ZNF614: variants seen among roughly 807,000 people sequenced by gnomAD.
The protein encoded by ZNF614 is zinc finger protein 614.
Under a neutral mutation model 12.8 loss-of-function variants are expected in ZNF614, and 11 were observed. The ratio of observed to expected loss-of-function variants is 0.86; its 90% confidence interval spans 0.54 to 1.43. The LOEUF is 1.43. ZNF614 is among the 40% of genes most tolerant of loss of function. ZNF614 has a pLI of 0.00. For missense variants in ZNF614, 664 were observed against 708.8 expected (o/e 0.94, Z 0.72); for synonymous variants, 237 against 237.5 (o/e 1.00, Z 0.02).
rs1271607297 is a variant in ZNF614 at position 52,016,279 on chromosome 19, C to A, written c.1319G>T (p.Arg440Leu). The A allele has an allele frequency of 1.2e-6, 2 of 1,613,672 alleles. No homozygotes were observed. The highest frequency in any genetic ancestry group is 1.7e-6 in the Non-Finnish European group (2 of 1,179,924). The change falls in exon 5 of 5, where the codon CGC becomes CTC. Residue 440 changes from arginine (R) to leucine (L), a missense_variant. Arg to Leu is a moderately radical substitution (Grantham distance 102). Coordinates refer to ENST00000270649, the MANE Select transcript of ZNF614 (RefSeq NM_025040.4). ...NECGKGFTTKRTLIIHQRTHT... is the reference protein window; with the variant it reads ...NECGKGFTTKLTLIIHQRTHT... ...AGTTCGCTGATGTATAATAAGAGTGCGCTTTGTGGTGAAGCCTTTACCACA... is the reference window on the plus strand; with the variant it reads ...AGTTCGCTGATGTATAATAAGAGTGAGCTTTGTGGTGAAGCCTTTACCACA...
At chr19:52,018,862 TTTTA>T (rs2086917365) in intron 2 of ZNF614, among the ~76,000 whole-genome samples, 2 of 152,124 alleles carry the variant, frequency 1.3e-5, no homozygotes. Context: ...TTGATTAGAT[TTTTA>T]TTTATTTTTT....
Position 52,014,209 on chromosome 19 carries a change from A to G in ZNF614, c.*1631T>C, listed in dbSNP as rs569449932. On this transcript the variant is annotated 3_prime_UTR_variant, in exon 5 of 5. Transcript: ENST00000270649. ...ATTTTCTGACACAAATAAATTCTCT[A>G]ATTCTCCCACACCAATTGGGTGTTC... The G allele has an allele frequency of 2.0e-5, 3 of 152,310 alleles. No individual in the cohort carries two copies. The South Asian group carries it at 6.2e-4, about 32-fold the overall frequency. The allele number at this position is 152,310 out of a possible 1,614,324, so 9.4% of individuals were successfully genotyped here. A position where few individuals can be genotyped will look rare whatever the true frequency, so the allele number is the denominator to read the frequency against.
chr19:52,021,594 T>G (rs1319574845), intron 2 of ZNF614, among the ~76,000 whole-genome samples: 1 of 151,808 alleles, frequency 6.6e-6, no homozygotes, highest in Non-Finnish European at 1.5e-5. Context: ...GAACAAAAAA[T>G]TAGCTGGGTG....
At chr19:52,023,414 G>A (rs1316001526) in intron 2 of ZNF614, among the ~76,000 whole-genome samples, 5 of 152,132 alleles carry the variant, frequency 3.3e-5, no homozygotes, top group Admixed American at 6.5e-5. Flanking sequence ...TGATCCGCTC[G>A]GGATTACAGG....
chr19:52,017,802 T>C, intron 4 of ZNF614: 1 of 486,452 alleles, frequency 2.1e-6, no homozygotes. Flanking sequence ...TATGAAGATA[T>C]AAGCTGAAAT....
intron 2 of ZNF614, among the ~76,000 whole-genome samples, chr19:52,022,807 G>T (rs1484365484): frequency 1.3e-5 from 2 of 152,114 alleles, no homozygotes; most frequent in Non-Finnish European, 2.9e-5. Context: ...CAGCCAGACT[G>T]AAGAAATGCA....
At position 52,016,546 on chromosome 19, in the gene ZNF614, C is replaced by G. The variant is rs554426380; in HGVS notation, c.1052G>C (p.Gly351Ala). Residue 351 changes from glycine to alanine, a missense_variant, in exon 5 of 5, where the codon GGC becomes GCC. Coordinates refer to ENST00000270649, the MANE Select transcript of ZNF614 (RefSeq NM_025040.4). The part of the protein sequence containing the change: ...KPYICSECGK[G>A]FTMKRYLVVH... ...AACAAGATAGCGCTTCATGGTGAAG[C>G]CTTTTCCACATTCACTGCATATATA... 3 of 1,613,814 alleles carry G rather than the reference C, an allele frequency of 1.9e-6. No individual in the cohort carries two copies. Among genetic ancestry groups the G allele is most frequent in the Non-Finnish European group, 1.7e-6 (2 of 1,179,928 alleles).
At position 52,017,958 on chromosome 19, in the gene ZNF614, T is replaced by C. The variant is rs781111563; in HGVS notation, c.238+50A>G. 2.8e-6 allele frequency: 4 copies of C among 1,431,426 alleles called. No homozygotes were observed. The East Asian group carries it at 9.1e-5, about 33-fold the overall frequency. 88.7% of individuals were successfully genotyped at this position (1,431,426 alleles called of 1,614,324 possible). Reference sequence around the variant, plus strand: ...TCATATATGTGACACCTTTCCTTAATGACTACAATAAGACTCCTATAGCCA... The same window carrying C: ...TCATATATGTGACACCTTTCCTTAACGACTACAATAAGACTCCTATAGCCA... On this transcript the variant is annotated intron_variant, in intron 4 of 4. Coordinates refer to ENST00000270649, the MANE Select transcript of ZNF614 (RefSeq NM_025040.4).
rs371158243 is a variant in ZNF614 at position 52,016,986 on chromosome 19, G to T, written c.612C>A (p.Pro204=). The T allele has an allele frequency of 6.2e-7, 1 of 1,613,824 alleles. No individual in the cohort carries two copies. The highest frequency in any genetic ancestry group is 1.1e-5 in the South Asian group (1 of 91,072). Residue 204 remains proline (P), a synonymous_variant, in exon 5 of 5, where the codon CCC becomes CCA. Transcript: ENST00000270649. The part of the protein sequence containing the change: ...KHQRTQKIEK[P]HACIECEQTF... The stretch of plus-strand genomic sequence containing the variant: ...TTTGCTCACATTCAATGCATGCATG[G>T]GGTTTCTCAATTTTCTGAGTCCTCT...
In ZNF614 at chr19:52,015,542, G is replaced by A. The variant is rs932431447; in HGVS notation, c.*298C>T. On this transcript the variant is annotated 3_prime_UTR_variant, in exon 5 of 5. Transcript: ENST00000270649. ...ATCTCTGTATACTTTTCAGACATATGAGCAGAAATTATTGCTCAAAACATC... is the reference window on the plus strand; with the variant it reads ...ATCTCTGTATACTTTTCAGACATATAAGCAGAAATTATTGCTCAAAACATC... 7.5e-5 allele frequency: 18 copies of A among 238,930 alleles called. No homozygotes were observed. Among genetic ancestry groups the A allele is most frequent in the Non-Finnish European group, 1.3e-4 (16 of 123,076 alleles). The allele number at this position is 238,930 out of a possible 1,614,324, so 14.8% of individuals were successfully genotyped here.
At position 52,013,467 on chromosome 19, in the gene ZNF614, T is replaced by C. The variant is rs2086878428; in HGVS notation, c.*2373A>G. The C allele has an allele frequency of 6.4e-6, 1 of 157,402 alleles. No homozygotes were observed. Among genetic ancestry groups the C allele is most frequent in the South Asian group, 1.7e-4 (1 of 5,924 alleles). 9.8% of individuals were successfully genotyped at this position (157,402 alleles called of 1,614,324 possible). The stretch of plus-strand genomic sequence containing the variant: ...AACTTTCATCTGGTTAGATACATGG[T>C]GGTAAAAAAAAATAATAAAACAACT... On this transcript the variant is annotated 3_prime_UTR_variant, in exon 5 of 5. Transcript: ENST00000270649.
In ZNF614 at chr19:52,028,352, G is replaced by A; in HGVS notation, c.-327C>T. 1 of 152,350 alleles carries A rather than the reference G, an allele frequency of 6.6e-6. No homozygotes were observed. The highest frequency in any genetic ancestry group is 1.5e-5 in the Non-Finnish European group (1 of 68,108). The allele number at this position is 152,350 out of a possible 1,614,324, so 9.4% of individuals were successfully genotyped here. On this transcript the variant is annotated 5_prime_UTR_variant, in exon 1 of 5. Coordinates refer to ENST00000270649, the MANE Select transcript of ZNF614 (RefSeq NM_025040.4). ...TGCGCGGACTCCGGGAAGCTGAGCG[G>A]TAAAGACCGTGAAGCGAGGCGAGGA...
At chr19:52,027,227 T>C (rs2123131602) in intron 1 of ZNF614, among the ~76,000 whole-genome samples, 1 of 152,364 alleles carries the variant, frequency 6.6e-6, no homozygotes, top group East Asian at 1.9e-4. Context: ...GCTCCAAGAA[T>C]GTCTTTAAAA....
Position 52,016,863 on chromosome 19 carries a change from C to G in ZNF614, c.735G>C (p.Leu245=). Reference sequence around the variant, plus strand: ...TATTAGTTTTCAGATGCTTAGTGAACAGGACACTTCTGGATAATTTCTCAC... The same window carrying G: ...TATTAGTTTTCAGATGCTTAGTGAAGAGGACACTTCTGGATAATTTCTCAC... The part of the protein sequence containing the change: ...GQCEKLSRSV[L]FTKHLKTNTT... Residue 245 remains leucine (L), a synonymous_variant, in exon 5 of 5, where the codon CTG becomes CTC. Coordinates refer to ENST00000270649, the MANE Select transcript of ZNF614 (RefSeq NM_025040.4). 6.2e-7 allele frequency: 1 copy of G among 1,613,684 alleles called. No homozygotes were observed. Among genetic ancestry groups the G allele is most frequent in the Admixed American group, 1.7e-5 (1 of 59,980 alleles).
Position 52,027,830 on chromosome 19 carries a change from G to C in ZNF614, c.-217+412C>G, listed in dbSNP as rs578119509. Among the ~76,000 whole-genome samples the C allele has an allele frequency of 1.4e-3, 217 of 152,282 alleles. 2 individuals are homozygous for C. Among genetic ancestry groups the C allele is most frequent in the Non-Finnish European group, 2.8e-3 (192 of 68,016 alleles). On this transcript the variant is annotated intron_variant, in intron 1 of 4. Transcript: ENST00000270649. ...AATAAAGAAAACAAATAGAAACTCA[G>C]CAAGGATACCGAAAACTTGAACAAC...
In ZNF614 at chr19:52,013,329, T is replaced by G; in HGVS notation, c.*2511A>C. On this transcript the variant is annotated 3_prime_UTR_variant, in exon 5 of 5. Coordinates refer to ENST00000270649, the MANE Select transcript of ZNF614 (RefSeq NM_025040.4). ...GCAAAAGCAAAAGCTGTATGTAGAT[T>G]TCACAGCATCTTTATTTATAGCACT... 1 of 300,240 alleles carries G rather than the reference T, an allele frequency of 3.3e-6. No homozygotes were observed. The highest frequency in any genetic ancestry group is 6.5e-6 in the Non-Finnish European group (1 of 152,694). The allele number at this position is 300,240 out of a possible 1,614,324, so 18.6% of individuals were successfully genotyped here.
chr19:52,018,430 G>A lies in ZNF614; in HGVS notation c.80C>T (p.Thr27Ile). 6.2e-7 allele frequency: 1 copy of A among 1,614,128 alleles called. No homozygotes were observed. The highest frequency in any genetic ancestry group is 8.5e-7 in the Non-Finnish European group (1 of 1,180,006). The change falls in exon 3 of 5, where the codon ACT becomes ATT. Residue 27 changes from threonine to isoleucine, a missense_variant. Transcript: ENST00000270649. ...ATCCCGGTACAGGTTCTTCTGAGCAGTGTCCAGGAGCTGCCACTCCTCCCA... is the reference window on the plus strand; with the variant it reads ...ATCCCGGTACAGGTTCTTCTGAGCAATGTCCAGGAGCTGCCACTCCTCCCA... ...FSWEEWQLLD[T>I]AQKNLYRDVM...
At position 52,016,266 on chromosome 19, in the gene ZNF614, TATA is replaced by T. The variant is rs766428658; in HGVS notation, c.1329_1331del (p.Ile444del). 5.0e-6 allele frequency: 8 copies of T among 1,614,186 alleles called. No homozygotes were observed. Among genetic ancestry groups the T allele is most frequent in the East Asian group, 4.5e-5 (2 of 44,868 alleles). ...TTTCTCCTGTATGAGTTCGCTGATG[TATA>T]ATAAGAGTGCGCTTTGTGGTGAAGC... On this transcript the variant is annotated inframe_deletion, in exon 5 of 5. Transcript: ENST00000270649.
chr19:52,026,776 A>AAAACC (rs1159215023), intron 1 of ZNF614, among the ~76,000 whole-genome samples: 8 of 152,226 alleles, frequency 5.3e-5, no homozygotes, highest in African/African-American at 1.9e-4. Context: ...GAGATAGGAG[A>AAAACC]AAACCGCCTT....
Sources: gnomAD v4.1 joint callset for allele counts (sites outside exome capture counted in the v4.1 genomes callset) on GRCh38, gnomAD v4.1.1 for gene constraint, MANE v1.5 for transcripts, NCBI Gene and HGNC (gene_info 2026-07-23, HGNC 2026-07-21) for gene names.